ADAM17: variants seen among roughly 807,000 people sequenced by gnomAD.
The protein encoded by ADAM17 is ADAM metallopeptidase domain 17, also known as disintegrin and metalloproteinase domain-containing protein 17.
A neutral mutation model predicts 96.7 loss-of-function variants in ADAM17; 39 were observed. That is an observed-to-expected ratio of 0.40 (90% CI 0.31 to 0.53). ADAM17 has a LOEUF of 0.53. ADAM17 is among the 20% of genes least tolerant of loss of function. The probability of loss-of-function intolerance (pLI) is 0.44; values close to 1 mark genes in which losing one functional copy is unlikely to be tolerated. For synonymous variants in ADAM17, 344 were observed against 359.2 expected, an observed-to-expected ratio of 0.96 and a Z score of 0.48; for missense variants, 777 against 1,013.2, an observed-to-expected ratio of 0.77 and a Z score of 3.17.
chr2:9,521,251 A>C lies in ADAM17; in HGVS notation c.909T>G (p.Ser303Arg), dbSNP rs746453821. Residue 303 changes from serine to arginine, a missense_variant, in exon 8 of 19, where the codon AGT becomes AGG. Around this residue, in one of 3 missense-constraint regions of ADAM17, gnomAD observed 446 missense variants for 664.7 expected, o/e 0.67. Coordinates refer to ENST00000310823, the MANE Select transcript of ADAM17 (RefSeq NM_003183.6). ...AAGCATCCTTTTCTTCATTTGGGTA[A>C]CTTTTTGCCATGTTGTAGTGCTTTT... Reference protein sequence around the residue: ...PGEKHYNMAKSYPNEEKDAWD... With the variant: ...PGEKHYNMAKRYPNEEKDAWD... The C allele has an allele frequency of 1.2e-6, 2 of 1,612,964 alleles. No individual in the cohort carries two copies. The highest frequency in any genetic ancestry group is 1.7e-6 in the Non-Finnish European group (2 of 1,179,124).
intron 1 of ADAM17, among the ~76,000 whole-genome samples, chr2:9,548,328 TC>T (rs1345168948): frequency 5.9e-5 from 9 of 151,264 alleles, no homozygotes; most frequent in Non-Finnish European, 1.3e-4. Context: ...TGAGACTCCA[TC>T]CCCCCCAAAA....
intron 2 of ADAM17, among the ~76,000 whole-genome samples, chr2:9,538,018 A>AGGGAAGGGGAGGGGG (rs1665057820): frequency 6.1e-5 from 1 of 16,448 alleles, no homozygotes; most frequent in African/African-American, 3.0e-4. Flanking sequence ...AGGGGAGGAG[A>AGGGAAGGGGAGGGGG]GGGGAGGGGG....
In ADAM17 at chr2:9,488,577, A is replaced by G. The variant is rs1435594289; in HGVS notation, c.*1600T>C. The G allele has an allele frequency of 6.1e-6, 2 of 328,018 alleles. No homozygotes were observed. The highest frequency in any genetic ancestry group is 1.1e-5 in the Non-Finnish European group (2 of 183,256). The allele number at this position is 328,018 out of a possible 1,614,324, so 20.3% of individuals were successfully genotyped here. On this transcript the variant is annotated 3_prime_UTR_variant, in exon 19 of 19. Coordinates refer to ENST00000310823, the MANE Select transcript of ADAM17 (RefSeq NM_003183.6). The stretch of plus-strand genomic sequence containing the variant: ...CTTGTTAATTCTATAAATGACAAAG[A>G]CTATGTTTTTAAAAAGTCACAATTT...
At chr2:9,507,347 C>CA (rs1311646356) in intron 11 of ADAM17, among the ~76,000 whole-genome samples, 5 of 151,968 alleles carry the variant, frequency 3.3e-5, no homozygotes, top group Admixed American at 3.3e-4. Context: ...ACTAAAACTA[C>CA]AAAAATTGGC....
chr2:9,503,027 C>G (rs1220517734), intron 12 of ADAM17, among the ~76,000 whole-genome samples: 1 of 151,298 alleles, frequency 6.6e-6, no homozygotes, highest in Non-Finnish European at 1.5e-5. Context: ...GTAATCCCAG[C>G]TACTCGGGAG....
rs1184105835 is a variant in ADAM17 at position 9,497,179 on chromosome 2, C to G, written c.1718G>C (p.Cys573Ser). The change falls in exon 14 of 19, where the codon TGT becomes TCT. Residue 573 changes from cysteine to serine, a missense_variant. Cys to Ser is a moderately radical substitution (Grantham distance 112). Around this residue, in one of 3 missense-constraint regions of ADAM17, gnomAD observed 446 missense variants for 664.7 expected, o/e 0.67. Transcript: ENST00000310823. Reference sequence around the variant, plus strand: ...GAAAGGGATGCATTTCCCATCCTTACACTTGCCAAGATCCAAGCAAACAGT... The same window carrying G: ...GAAAGGGATGCATTTCCCATCCTTAGACTTGCCAAGATCCAAGCAAACAGT... Reference protein sequence around the residue: ...DDTVCLDLGKCKDGKCIPFCE... With the variant: ...DDTVCLDLGKSKDGKCIPFCE... 1 of 1,614,226 alleles carries G rather than the reference C, an allele frequency of 6.2e-7. No homozygotes were observed. The highest frequency in any genetic ancestry group is 1.7e-5 in the Admixed American group (1 of 60,028).
At chr2:9,506,357 C>A (rs1352431939) in intron 11 of ADAM17, among the ~76,000 whole-genome samples, 1 of 126,192 alleles carries the variant, frequency 7.9e-6, no homozygotes, top group East Asian at 2.2e-4. Context: ...ATCTTCAAAT[C>A]TGTTTTTTTT....
intron 16 of ADAM17, among the ~76,000 whole-genome samples, chr2:9,493,402 A>G (rs75459503): frequency 0.015 from 2,211 of 152,270 alleles, 63 homozygotes; most frequent in African/African-American, 0.051. Flanking sequence ...AGCAGGATTC[A>G]GTATATAGCA....
At position 9,523,271 on chromosome 2, in the gene ADAM17, C is replaced by A; in HGVS notation, c.821G>T (p.Gly274Val). Residue 274 changes from glycine to valine, a missense_variant, in exon 7 of 19, where the codon GGC (glycine) becomes GTC (valine). This residue lies in a region of ADAM17 where 446 missense variants were observed against 664.7 expected (regional missense o/e 0.67). Transcript: ENST00000310823. ...NTSWDNAGFK[G>V]YGIQIEQIRI... ...TACCTGCTCTATCTGTATTCCATAGCCTTTAAAACCTGCATTATCCCATGA... is the reference window on the plus strand; with the variant it reads ...TACCTGCTCTATCTGTATTCCATAGACTTTAAAACCTGCATTATCCCATGA... 6.2e-7 allele frequency: 1 copy of A among 1,611,528 alleles called. No individual in the cohort carries two copies. The highest frequency in any genetic ancestry group is 8.5e-7 in the Non-Finnish European group (1 of 1,178,240).
At chr2:9,501,634 C>A (rs559523824) in intron 13 of ADAM17, among the ~76,000 whole-genome samples, 3 of 152,218 alleles carry the variant, frequency 2.0e-5, no homozygotes, top group Admixed American at 2.0e-4. Flanking sequence ...AACTGGTTAC[C>A]CTTCTAACTT....
chr2:9,552,459 G>A (rs966192616), intron 1 of ADAM17, among the ~76,000 whole-genome samples: 3 of 152,202 alleles, frequency 2.0e-5, no homozygotes, highest in African/African-American at 7.2e-5. Context: ...AATGCAGCCA[G>A]TAAGCAAAAT....
chr2:9,506,568 T>C (rs1663412743), intron 11 of ADAM17, among the ~76,000 whole-genome samples: 1 of 152,036 alleles, frequency 6.6e-6, no homozygotes. Context: ...GGTTTCACCA[T>C]GTTGACCAGG....
intron 13 of ADAM17, among the ~76,000 whole-genome samples, chr2:9,499,509 C>A (rs538799498): frequency 2.6e-5 from 4 of 152,206 alleles, no homozygotes; most frequent in Non-Finnish European, 4.4e-5. Flanking sequence ...TCACGCCATT[C>A]TCCTGCCTCA....
chr2:9,490,843 A>C (rs1487079463), intron 18 of ADAM17, among the ~76,000 whole-genome samples: 1 of 152,214 alleles, frequency 6.6e-6, no homozygotes, highest in Admixed American at 6.5e-5. Flanking sequence ...TCAAAATATT[A>C]ACTAAGTGTT....
chr2:9,538,489 T>C (rs964650661), intron 2 of ADAM17, among the ~76,000 whole-genome samples: 7 of 152,340 alleles, frequency 4.6e-5, no homozygotes, highest in Non-Finnish European at 8.8e-5. Flanking sequence ...TCCTAAAACA[T>C]ATCTTCCCAC....
At chr2:9,543,868 T>C (rs2125041245) in intron 1 of ADAM17, among the ~76,000 whole-genome samples, 1 of 152,308 alleles carries the variant, frequency 6.6e-6, no homozygotes, top group Middle Eastern at 3.4e-3. Context: ...ACAGAAATTA[T>C]AGTTAACAAT....
chr2:9,489,875 A>G lies in ADAM17; in HGVS notation c.*302T>C, dbSNP rs972381311. 2 of 263,600 alleles carry G rather than the reference A, an allele frequency of 7.6e-6. No individual in the cohort carries two copies. The highest frequency in any genetic ancestry group is 4.3e-5 in the African/African-American group (2 of 46,062). The allele number at this position is 263,600 out of a possible 1,614,324, so 16.3% of individuals were successfully genotyped here. ...TATCAATATAAAAGATTAATTTACA[A>G]AAACGTAAATATTCATAACCCAATC... On this transcript the variant is annotated 3_prime_UTR_variant, in exon 19 of 19. Transcript: ENST00000310823.
At chr2:9,528,676 G>T (rs1664623654) in intron 4 of ADAM17, among the ~76,000 whole-genome samples, 1 of 152,128 alleles carries the variant, frequency 6.6e-6, no homozygotes, top group African/African-American at 2.4e-5. Context: ...GGCAGTTTGT[G>T]GGGGGACACA....
At chr2:9,491,857 G>T (rs1662176655) in intron 17 of ADAM17, among the ~76,000 whole-genome samples, 1 of 152,196 alleles carries the variant, frequency 6.6e-6, no homozygotes, top group African/African-American at 2.4e-5. Flanking sequence ...TGAAATCAAG[G>T]GTCGTGCCTT....
Sources: allele counts gnomAD v4.1 joint callset (sites outside exome capture counted in the v4.1 genomes callset), GRCh38; gene constraint gnomAD v4.1.1; regional missense constraint gnomAD v4.1.1; transcripts MANE v1.5; gene names NCBI Gene and HGNC (gene_info 2026-07-23, HGNC 2026-07-21).